The following ATP11B variants were observed in gnomAD, a reference collection of about 807,000 sequenced individuals.
The protein encoded by ATP11B is ATPase phospholipid transporting 11B (putative).
ATP11B carries 81 observed loss-of-function variants against 157.8 expected under a neutral mutation model. That is an observed-to-expected ratio of 0.51 (90% CI 0.43 to 0.62). The LOEUF is 0.62. Ranked by LOEUF, ATP11B falls within the 20% of genes least tolerant of loss-of-function variation. The probability of loss-of-function intolerance (pLI) is 0.00; values close to 1 mark genes in which losing one functional copy is unlikely to be tolerated. For synonymous variants in ATP11B, 451 were observed against 469.4 expected (o/e 0.96, Z 0.51); for missense variants, 1,165 against 1,402.2 (o/e 0.83, Z 2.70).
chr3:182,863,426 T>C lies in ATP11B; in HGVS notation c.1201-2030T>C, dbSNP rs111881416. Among the ~76,000 whole-genome samples, 499 of 152,216 alleles carry C rather than the reference T, an allele frequency of 3.3e-3. 6 individuals are homozygous for C. The highest frequency in any genetic ancestry group is 0.012 in the African/African-American group (483 of 41,542). On this transcript the variant is annotated intron_variant, in intron 12 of 29. Transcript: ENST00000323116. Reference sequence around the variant, plus strand: ...TTTTTGTTTTCCTGGAACCTCACATTGTGTATGCATACTCATGTCTGCTTT... The same window carrying C: ...TTTTTGTTTTCCTGGAACCTCACATCGTGTATGCATACTCATGTCTGCTTT...
At chr3:182,848,950 A>G (rs990499095) in intron 10 of ATP11B, among the ~76,000 whole-genome samples, 1 of 152,254 alleles carries the variant, frequency 6.6e-6, no homozygotes, top group African/African-American at 2.4e-5. Flanking sequence ...ATTTAAGAGT[A>G]TAGCTTTTTG....
chr3:182,859,911 A>T (rs920171041), intron 12 of ATP11B, among the ~76,000 whole-genome samples: 2 of 150,212 alleles, frequency 1.3e-5, no homozygotes, highest in Non-Finnish European at 3.0e-5. Flanking sequence ...CAAACATACC[A>T]GGTAATCTAG....
Position 182,866,219 on chromosome 3 carries a change from G to A in ATP11B, c.1444-49G>A, listed in dbSNP as rs757964906. On this transcript the variant is annotated intron_variant, in intron 13 of 29. Transcript: ENST00000323116. Reference sequence around the variant, plus strand: ...AATTTTGCCTCTGGTTTCCTAAATGGTATGTGGAAATGATATTTTTATCAT... The same window carrying A: ...AATTTTGCCTCTGGTTTCCTAAATGATATGTGGAAATGATATTTTTATCAT... 7.2e-6 allele frequency: 10 copies of A among 1,384,418 alleles called. No homozygotes were observed. In the African/African-American group the frequency reaches 1.5e-4, roughly 20 times the overall value. The allele number at this position is 1,384,418 out of a possible 1,614,324, so 85.8% of individuals were successfully genotyped here.
In ATP11B at chr3:182,892,053, A is replaced by G. The variant is rs536817241; in HGVS notation, c.2982+2505A>G. 3.9e-5 allele frequency among the ~76,000 whole-genome samples: 6 copies of G among 152,280 alleles called. No individual in the cohort carries two copies. The East Asian group carries it at 9.6e-4, about 24-fold the overall frequency. ...TCATTATATTGGAAGATCATGTCCTACTCAATCCCACCCGGTCTAATTCTC... is the reference window on the plus strand; with the variant it reads ...TCATTATATTGGAAGATCATGTCCTGCTCAATCCCACCCGGTCTAATTCTC... On this transcript the variant is annotated intron_variant, in intron 25 of 29. Transcript: ENST00000323116.
chr3:182,837,966 A>AGTG (rs1164089482), intron 7 of ATP11B, among the ~76,000 whole-genome samples: 17 of 152,124 alleles, frequency 1.1e-4, no homozygotes, highest in Non-Finnish European at 2.5e-4. Context: ...TTACTCAATA[A>AGTG]GTGGTGGTAG....
At position 182,918,082 on chromosome 3, in the gene ATP11B, C is replaced by A. The variant is rs757642527; in HGVS notation, c.3512C>A (p.Thr1171Lys). 1.9e-5 allele frequency: 31 copies of A among 1,613,300 alleles called. No individual in the cohort carries two copies. The highest frequency in any genetic ancestry group is 2.5e-6 in the Non-Finnish European group (3 of 1,179,546). Residue 1171 changes from threonine to lysine, a missense_variant, in exon 30 of 30, where the codon ACA (threonine) becomes AAA (lysine). Thr to Lys is a moderately conservative substitution (Grantham distance 78). This residue lies in a region of ATP11B where 303 missense variants were observed against 296.3 expected (regional missense o/e 1.02). Transcript: ENST00000323116. ...TNDRSILTLS[T>K]MDSSTC Reference sequence around the variant, plus strand: ...GACAGGAGCATCTTGACTCTCTCCACAATGGACTCATCTACTTGTTAAAGG... The same window carrying A: ...GACAGGAGCATCTTGACTCTCTCCAAAATGGACTCATCTACTTGTTAAAGG...
chr3:182,842,322 G>A lies in ATP11B; in HGVS notation c.704+200G>A, dbSNP rs114789838. ...AGAATCATTCAGTGCAAGCTAGAGT[G>A]TTTAGTGGTCAACCCAGAACTGCTT... is the stretch of plus-strand genomic sequence containing the variant. On this transcript the variant is annotated intron_variant, in intron 8 of 29. Coordinates refer to ENST00000323116, the MANE Select transcript of ATP11B (RefSeq NM_014616.3). 1.8e-3 allele frequency among the ~76,000 whole-genome samples: 276 copies of A among 152,270 alleles called. 1 individual carries two copies. The highest frequency in any genetic ancestry group is 6.2e-3 in the African/African-American group (256 of 41,548).
chr3:182,905,816 T>G, intron 28 of ATP11B: 1 of 456,732 alleles, frequency 2.2e-6, no homozygotes, highest in Non-Finnish European at 4.4e-6. Flanking sequence ...AAGGGTTCAG[T>G]CAGCTCAGCA....
In ATP11B at chr3:182,889,471, T is replaced by A; in HGVS notation, c.2905T>A (p.Phe969Ile). ...KTFLYWTILG[F>I]SHAFIFFFGS... is the part of the protein sequence containing the mutation. The stretch of plus-strand genomic sequence containing the variant: ...ATTTCTTTATTGGACCATCCTGGGC[T>A]TCAGTCATGCCTTTATTTTCTTTTT... Residue 969 changes from phenylalanine to isoleucine, a missense_variant, in exon 25 of 30, where the codon TTC becomes ATC. Physicochemically the swap from Phe to Ile is conservative, Grantham distance 21. This residue lies in a region of ATP11B where 303 missense variants were observed against 296.3 expected (regional missense o/e 1.02). Transcript: ENST00000323116. The A allele has an allele frequency of 6.3e-7, 1 of 1,579,196 alleles. No individual in the cohort carries two copies. The highest frequency in any genetic ancestry group is 8.6e-7 in the Non-Finnish European group (1 of 1,168,506).
intron 12 of ATP11B, among the ~76,000 whole-genome samples, chr3:182,859,653 A>G (rs748065434): frequency 2.0e-5 from 3 of 152,174 alleles, no homozygotes; most frequent in Non-Finnish European, 2.9e-5. Flanking sequence ...TTGCTTCTCC[A>G]TAGCCCCCTA....
intron 17 of ATP11B, among the ~76,000 whole-genome samples, chr3:182,870,469 G>A (rs972083815): frequency 2.6e-5 from 4 of 151,890 alleles, no homozygotes; most frequent in African/African-American, 7.3e-5. Context: ...CCACCACATC[G>A]TAACATCTGT....
chr3:182,910,629 A>G (rs559066184), intron 28 of ATP11B, among the ~76,000 whole-genome samples: 1 of 152,348 alleles, frequency 6.6e-6, no homozygotes, highest in African/African-American at 2.4e-5. Flanking sequence ...GATGATTACC[A>G]GGGTCAGATC....
At chr3:182,903,149 CT>C (rs993247606) in intron 28 of ATP11B, among the ~76,000 whole-genome samples, 3 of 151,962 alleles carry the variant, frequency 2.0e-5, no homozygotes, top group Non-Finnish European at 2.9e-5. Context: ...TTAGGGATGC[CT>C]TTTGATAAAA....
intron 4 of ATP11B, among the ~76,000 whole-genome samples, chr3:182,835,149 G>C (rs979797629): frequency 6.6e-6 from 1 of 152,048 alleles, no homozygotes; most frequent in African/African-American, 2.4e-5. Context: ...GGTAGAGGAG[G>C]TGAATAGGGA....
intron 28 of ATP11B, among the ~76,000 whole-genome samples, chr3:182,911,010 G>T (rs375703969): frequency 6.6e-6 from 1 of 152,122 alleles, no homozygotes; most frequent in African/African-American, 2.4e-5. Context: ...TCCAACTGCT[G>T]TAAAAATTTC....
chr3:182,896,552 A>G, intron 25 of ATP11B, 148 bp from the exon 26 acceptor site: 1 of 647,756 alleles, frequency 1.5e-6, no homozygotes. Flanking sequence ...TTCTTCTCAT[A>G]CTTTTAACTT....
chr3:182,806,169 C>T (rs980611390), intron 1 of ATP11B, among the ~76,000 whole-genome samples: 1 of 152,128 alleles, frequency 6.6e-6, no homozygotes, highest in African/African-American at 2.4e-5. Context: ...TTTAGCTCTA[C>T]GTATTGGAGA....
intron 2 of ATP11B, among the ~76,000 whole-genome samples, chr3:182,822,728 C>G (rs1049139064): frequency 5.3e-5 from 8 of 152,264 alleles, no homozygotes; most frequent in Admixed American, 5.2e-4. Context: ...GTTTACAGTC[C>G]CACCAACAGT....
chr3:182,803,044 C>G (rs999008328), intron 1 of ATP11B, among the ~76,000 whole-genome samples: 22 of 152,074 alleles, frequency 1.4e-4, no homozygotes, highest in Admixed American at 1.3e-4. Flanking sequence ...CAATTTTTTC[C>G]TGTTACAAAA....
Sources: gnomAD v4.1 joint callset for allele counts (sites outside exome capture counted in the v4.1 genomes callset) on GRCh38, gnomAD v4.1.1 for gene constraint, gnomAD v4.1.1 regional missense constraint, MANE v1.5 for transcripts, NCBI Gene and HGNC (gene_info 2026-07-23, HGNC 2026-07-21) for gene names.